Variants in MRPL1 observed in about 807,000 individuals in gnomAD.
The protein encoded by MRPL1 is mitochondrial ribosomal protein L1, also known as large ribosomal subunit protein uL1m.
A neutral mutation model predicts 38.0 loss-of-function variants in MRPL1; 28 were observed. The ratio of observed to expected loss-of-function variants is 0.74; its 90% CI spans 0.55 to 1.01. The LOEUF is 1.01. Among genes scored for constraint, MRPL1 ranks in the 50% least tolerant of loss-of-function variants. MRPL1 has a pLI of 0.00. For synonymous variants in MRPL1, 123 were observed against 126.7 expected (o/e 0.97, Z 0.20); for missense variants, 358 against 389.8 (o/e 0.92, Z 0.69).
rs1735401006 is a variant in MRPL1, at chr4:77,876,554, G to GT, written c.143+4706dup. Among the ~76,000 whole-genome samples the GT allele has an allele frequency of 3.3e-5, 5 of 152,002 alleles. No homozygotes were observed. The South Asian group carries it at 1.0e-3, about 31-fold the overall frequency. On this transcript the variant is annotated intron_variant, in intron 2 of 8. Coordinates refer to ENST00000315567, the MANE Select transcript of MRPL1 (RefSeq NM_020236.4). Reference sequence around the variant, plus strand: ...AACCATGAAAATTTATAAGCAGATGGTTTTTTTCATGTCTGACAATGAGAG... The same window carrying GT: ...AACCATGAAAATTTATAAGCAGATGGTTTTTTTTCATGTCTGACAATGAGAG...
At chr4:77,928,420 C>CA (rs1399768514) in intron 7 of MRPL1, among the ~76,000 whole-genome samples, 5 of 152,206 alleles carry the variant, frequency 3.3e-5, no homozygotes, top group Admixed American at 6.5e-5. Flanking sequence ...TAAAAGGAAG[C>CA]AGCCCATTGG....
At chr4:77,923,844 G>A (rs1419026389) in intron 7 of MRPL1, among the ~76,000 whole-genome samples, 1 of 152,032 alleles carries the variant, frequency 6.6e-6, no homozygotes, top group African/African-American at 2.4e-5. Flanking sequence ...GGCTGAGGCA[G>A]GAGAACTGCT....
intron 7 of MRPL1, among the ~76,000 whole-genome samples, chr4:77,913,589 T>TTA (rs1272768518): frequency 6.6e-6 from 1 of 152,206 alleles, no homozygotes; most frequent in Non-Finnish European, 1.5e-5. Context: ...ATTTGGCAGT[T>TTA]TCTTAAAGTT....
chr4:77,907,821 C>G (rs539218233), intron 6 of MRPL1, among the ~76,000 whole-genome samples: 5 of 152,188 alleles, frequency 3.3e-5, no homozygotes, highest in African/African-American at 1.2e-4. Context: ...ACCACGGCCT[C>G]CCAAAGTGCT....
At chr4:77,913,760 TA>T (rs1181448360) in intron 7 of MRPL1, among the ~76,000 whole-genome samples, 3 of 152,184 alleles carry the variant, frequency 2.0e-5, no homozygotes, top group East Asian at 1.9e-4. Context: ...CAGGTGAATA[TA>T]AAAAAAATTC....
chr4:77,945,248 TG>T (rs1190617914), intron 7 of MRPL1, among the ~76,000 whole-genome samples: 1 of 151,570 alleles, frequency 6.6e-6, no homozygotes, highest in Admixed American at 6.6e-5. Context: ...TTAGGAGTCA[TG>T]GAAATTAAGA....
chr4:77,897,940 G>C (rs533601483), intron 6 of MRPL1, among the ~76,000 whole-genome samples: 18 of 152,154 alleles, frequency 1.2e-4, no homozygotes, highest in Non-Finnish European at 2.4e-4. Context: ...TACAATTGTT[G>C]TAGATGAAAT....
At chr4:77,906,261 G>A (rs1736156140) in intron 6 of MRPL1, among the ~76,000 whole-genome samples, 1 of 152,172 alleles carries the variant, frequency 6.6e-6, no homozygotes, top group Non-Finnish European at 1.5e-5. Context: ...CCTGCTGATA[G>A]GTCAAGTCAG....
intron 2 of MRPL1, among the ~76,000 whole-genome samples, chr4:77,873,076 T>C (rs1035042628): frequency 4.6e-5 from 7 of 152,178 alleles, no homozygotes; most frequent in South Asian, 2.1e-4. Flanking sequence ...TGAAATCTGT[T>C]CTCTCAACTT....
In MRPL1 at chr4:77,871,226, G is replaced by GA. The variant is rs945052041; in HGVS notation, c.32-508dup. Among the ~76,000 whole-genome samples, 20 of 137,568 alleles carry GA rather than the reference G, an allele frequency of 1.5e-4. 1 individual carries two copies. Among genetic ancestry groups the GA allele is most frequent in the South Asian group, 2.3e-4 (1 of 4,370 alleles). 90.2% of individuals were successfully genotyped at this position (137,568 alleles called of 152,430 possible). ...ACAGAGTGAAAGCCTGTCTTTAAAA[G>GA]AAAAAAAAAAGATAAGATAGTTCAA... On this transcript the variant is annotated intron_variant, in intron 1 of 8. Coordinates refer to ENST00000315567, the MANE Select transcript of MRPL1 (RefSeq NM_020236.4).
rs1735033961 is a variant in MRPL1, at chr4:77,862,898, T to G, written c.31+19T>G. The G allele has an allele frequency of 6.2e-7, 1 of 1,613,956 alleles. No individual in the cohort carries two copies. Among genetic ancestry groups the G allele is most frequent in the African/African-American group, 1.3e-5 (1 of 74,902 alleles). The stretch of plus-strand genomic sequence containing the variant: ...GGTAGAGGTAAGGCGAGGGGTTGTC[T>G]TGCAGGGGAAATGGCTCTGGCACCG... On this transcript the variant is annotated intron_variant, in intron 1 of 8. Coordinates refer to ENST00000315567, the MANE Select transcript of MRPL1 (RefSeq NM_020236.4).
chr4:77,925,050 A>G (rs781696622), intron 7 of MRPL1, among the ~76,000 whole-genome samples: 5 of 152,174 alleles, frequency 3.3e-5, no homozygotes, highest in Non-Finnish European at 5.9e-5. Flanking sequence ...AGATTTACCA[A>G]TTTTGTCACA....
intron 3 of MRPL1, 44 bp from the exon 4 acceptor site, chr4:77,885,212 A>G (rs1372757526): frequency 7.1e-7 from 1 of 1,417,248 alleles, no homozygotes; most frequent in Admixed American, 1.7e-5. Flanking sequence ...GTGAAATAGA[A>G]AAGATTAACT....
intron 6 of MRPL1, among the ~76,000 whole-genome samples, chr4:77,894,962 C>T (rs1391685756): frequency 6.6e-6 from 1 of 151,932 alleles, no homozygotes; most frequent in Admixed American, 6.6e-5. Context: ...AATCATAGGC[C>T]AGGTACAAGA....
At chr4:77,881,190 G>A (rs758192850) in intron 2 of MRPL1, among the ~76,000 whole-genome samples, 5 of 152,192 alleles carry the variant, frequency 3.3e-5, no homozygotes, top group Non-Finnish European at 7.3e-5. Context: ...GAACAGCAAA[G>A]TCATTTAGCA....
rs373107361 is a variant in MRPL1, at chr4:77,947,138, CAT to C, written c.778-2657_778-2656del. On this transcript the variant is annotated intron_variant, in intron 7 of 8. Transcript: ENST00000315567. ...CTGAGTGTTAAAACAGAGATAGAGA[CAT>C]AAAGTTCACCTGTGTCCACTGAGCC... 5.3e-5 allele frequency among the ~76,000 whole-genome samples: 8 copies of C among 152,028 alleles called. No individual in the cohort carries two copies. In the East Asian group the frequency reaches 1.2e-3, roughly 22 times the overall value.
chr4:77,885,249 T>C lies in MRPL1; in HGVS notation c.403-7T>C. 3 of 1,603,310 alleles carry C rather than the reference T, an allele frequency of 1.9e-6. No individual in the cohort carries two copies. Among genetic ancestry groups the C allele is most frequent in the Non-Finnish European group, 2.6e-6 (3 of 1,170,084 alleles). ...TACGTAATTATTTTTCCTTGTCATG[T>C]GTTTAGAAAAACGTGGAGCCATTTA... On this transcript the variant is annotated splice_polypyrimidine_tract_variant and splice_region_variant and intron_variant, in intron 3 of 8. Coordinates refer to ENST00000315567, the MANE Select transcript of MRPL1 (RefSeq NM_020236.4).
chr4:77,877,589 A>AT (rs58774105), intron 2 of MRPL1, among the ~76,000 whole-genome samples: 21,962 of 113,422 alleles, frequency 0.19, 2,181 homozygotes, highest in African/African-American at 0.27. Context: ...GTTGGGAGGG[A>AT]TTTTTTTTTT....
chr4:77,885,227 G>A (rs375186020), intron 3 of MRPL1, 29 bp from the exon 4 acceptor site: 26 of 1,505,788 alleles, frequency 1.7e-5, no homozygotes, highest in Admixed American at 6.7e-5. Context: ...TTAACTTTAC[G>A]TAATTATTTT....
Sources: gnomAD v4.1 joint callset for allele counts (sites outside exome capture counted in the v4.1 genomes callset) on GRCh38, gnomAD v4.1.1 for gene constraint, MANE v1.5 for transcripts, NCBI Gene and HGNC (gene_info 2026-07-23, HGNC 2026-07-21) for gene names.